Variants in MYOM2 observed in about 807,000 individuals in gnomAD.
MYOM2 encodes myomesin-2.
MYOM2 carries 254 observed loss-of-function variants against 187.6 expected under a neutral mutation model. The observed-to-expected ratio is 1.35, with a 90% CI of 1.22 to 1.50. MYOM2 has a LOEUF of 1.50. Ranked by LOEUF, MYOM2 falls within the 40% of genes most tolerant of loss-of-function variation. The pLI, the probability that MYOM2 is intolerant of heterozygous loss-of-function variation, is 0.00. For missense variants in MYOM2, 2,796 were observed against 1,924.0 expected (o/e 1.45, Z -8.48); for synonymous variants, 981 against 753.8 (o/e 1.30, Z -4.94).
Position 2,144,984 on chromosome 8 carries a change from G to T in MYOM2, c.*3G>T. 3 of 1,612,844 alleles carry T rather than the reference G, an allele frequency of 1.9e-6. No homozygotes were observed. The South Asian group carries it at 3.3e-5, about 18-fold the overall frequency. ...CTGCCTCAGCGGCAGGCCAGTGAAG[G>T]CGTTTTCCTAGCCTGGAGATGGGAA... On this transcript the variant is annotated 3_prime_UTR_variant, in exon 37 of 37. Transcript: ENST00000262113.
At chr8:2,119,250 G>C (rs1797346076) in intron 28 of MYOM2, 1 of 152,308 alleles carries the variant, frequency 6.6e-6, no homozygotes, top group East Asian at 1.9e-4. Context: ...ACGCAAGTGG[G>C]TCAAGCTGCC....
intron 18 of MYOM2, chr8:2,098,229 T>G (rs1167624056): frequency 1.3e-5 from 2 of 152,246 alleles, no homozygotes; most frequent in Non-Finnish European, 2.9e-5. Context: ...TTTACCCAGA[T>G]AGCGTTTTTG....
At chr8:2,091,945 C>G (rs893878) in intron 15 of MYOM2, among the ~76,000 whole-genome samples, 130,997 of 152,230 alleles carry the variant, frequency 0.86, 56,699 homozygotes, top group East Asian at 0.96. Context: ...GAGTGCCCCT[C>G]GGAGATTTCA....
chr8:2,072,195 C>T, intron 8 of MYOM2, 150 bp from the exon 9 acceptor site: 1 of 732,044 alleles, frequency 1.4e-6, no homozygotes, highest in Non-Finnish European at 2.3e-6. Flanking sequence ...CGCACCACTG[C>T]ACTCCAACCT....
At chr8:2,124,096 G>A in intron 30 of MYOM2, 83 bp from the exon 31 acceptor site, 2 of 1,332,822 alleles carry the variant, frequency 1.5e-6, no homozygotes, top group Non-Finnish European at 2.1e-6. Context: ...ACAATTTCCT[G>A]CATCGATTTA....
chr8:2,093,572 C>T (rs900387178), intron 16 of MYOM2, among the ~76,000 whole-genome samples: 6 of 152,304 alleles, frequency 3.9e-5, no homozygotes, highest in African/African-American at 1.2e-4. Flanking sequence ...CCCCAGTATT[C>T]GAGCCTAGTC....
chr8:2,122,674 T>G (rs1052636500), intron 28 of MYOM2, among the ~76,000 whole-genome samples: 38 of 152,310 alleles, frequency 2.5e-4, no homozygotes, highest in Non-Finnish European at 1.9e-4. Flanking sequence ...CTCAGACCAA[T>G]GCCGGAGCAT....
At chr8:2,113,122 G>A (rs1265594021) in intron 25 of MYOM2, among the ~76,000 whole-genome samples, 1 of 152,204 alleles carries the variant, frequency 6.6e-6, no homozygotes, top group Non-Finnish European at 1.5e-5. Context: ...TGGTAACGCT[G>A]GGCACGAGGA....
At chr8:2,142,300 AGCT>A (rs1436924048) in intron 34 of MYOM2, 72 bp from the exon 35 acceptor site, 7 of 1,406,352 alleles carry the variant, frequency 5.0e-6, no homozygotes, top group Middle Eastern at 1.8e-4. Flanking sequence ...TGAGCCTCTC[AGCT>A]GTGCATTTTG....
chr8:2,144,875 T>TGACA lies in MYOM2; in HGVS notation c.4294_4297dup (p.Val1433AspfsTer40). On this transcript the variant is annotated frameshift_variant, in exon 37 of 37. Coordinates refer to ENST00000262113, the MANE Select transcript of MYOM2 (RefSeq NM_003970.4). LOFTEE classifies it low-confidence loss of function (END_TRUNC). ...AAGTATGGCGGGGAGAAGATCGACG[T>TGACA]GACAGTGAGCGTGTACAAACACGGG... is the stretch of plus-strand genomic sequence containing the variant. 6.2e-7 allele frequency: 1 copy of TGACA among 1,614,006 alleles called. No homozygotes were observed. Among genetic ancestry groups the TGACA allele is most frequent in the African/African-American group, 1.3e-5 (1 of 75,012 alleles).
Position 2,068,474 on chromosome 8 carries a change from C to T in MYOM2, c.654-804C>T, listed in dbSNP as rs181023998. Among the ~76,000 whole-genome samples, 66 of 144,024 alleles carry T rather than the reference C, an allele frequency of 4.6e-4. 1 individual carries two copies. In the East Asian group the frequency reaches 0.013, roughly 28 times the overall value. 94.5% of individuals were successfully genotyped at this position (144,024 alleles called of 152,430 possible). A position where few individuals can be genotyped will look rare whatever the true frequency, so the allele number is the denominator to read the frequency against. On this transcript the variant is annotated intron_variant, in intron 6 of 36. Transcript: ENST00000262113. ...CGTGTGCACCAGGCGGAGAGCATCC[C>T]GTGGGCAGCTCTTCAATGCCCGTGT...
chr8:2,078,155 G>T (rs1236518795), intron 11 of MYOM2, among the ~76,000 whole-genome samples: 1 of 152,124 alleles, frequency 6.6e-6, no homozygotes, highest in African/African-American at 2.4e-5. Context: ...CAGGTTTCTG[G>T]TCAGGAATTA....
intron 6 of MYOM2, among the ~76,000 whole-genome samples, chr8:2,059,742 C>CTTTTT (rs60345808): frequency 1.6e-4 from 21 of 131,120 alleles, no homozygotes; most frequent in African/African-American, 5.5e-4. Flanking sequence ...GACACACACA[C>CTTTTT]TTTTTTTTTT....
chr8:2,084,928 C>A (rs1819757495), intron 13 of MYOM2: 1 of 294,408 alleles, frequency 3.4e-6, no homozygotes, highest in East Asian at 7.5e-5. Context: ...GCACAGATTC[C>A]CAACACAGTC....
At chr8:2,120,696 A>ATTTATAATATATAT (rs1491564842) in intron 28 of MYOM2, among the ~76,000 whole-genome samples, 1 of 84,008 alleles carries the variant, frequency 1.2e-5, no homozygotes, top group Non-Finnish European at 2.3e-5. Context: ...ATAAATATAT[A>ATTTATAATATATAT]ATATATATAT....
intron 32 of MYOM2, among the ~76,000 whole-genome samples, chr8:2,132,458 T>G (rs1162075086): frequency 6.6e-6 from 1 of 152,224 alleles, no homozygotes; most frequent in Non-Finnish European, 1.5e-5. Flanking sequence ...GAAAAGATTT[T>G]GTTCTCTTAC....
intron 28 of MYOM2, among the ~76,000 whole-genome samples, chr8:2,122,064 A>G (rs933576393): frequency 6.6e-6 from 1 of 152,246 alleles, no homozygotes; most frequent in African/African-American, 2.4e-5. Flanking sequence ...AAAGGCATTT[A>G]TTGGAAAGGA....
chr8:2,065,434 G>A (rs1347840025), intron 6 of MYOM2, among the ~76,000 whole-genome samples: 1 of 152,108 alleles, frequency 6.6e-6, no homozygotes, highest in African/African-American at 2.4e-5. Flanking sequence ...GCTGGGTGTG[G>A]TGGTGCGCAC....
intron 15 of MYOM2, among the ~76,000 whole-genome samples, chr8:2,090,425 A>T (rs1796257805): frequency 6.6e-6 from 1 of 152,230 alleles, no homozygotes; most frequent in Non-Finnish European, 1.5e-5. Context: ...GAGTTGAAAA[A>T]TATGTTTAGG....
Sources: gnomAD v4.1 joint callset for allele counts (sites outside exome capture counted in the v4.1 genomes callset) on GRCh38, gnomAD v4.1.1 for gene constraint, MANE v1.5 for transcripts, NCBI Gene and HGNC (gene_info 2026-07-23, HGNC 2026-07-21) for gene names.